Variants in NRXN1 observed in about 807,000 individuals in gnomAD.
NRXN1 encodes neurexin 1.
Under a neutral mutation model 150.9 loss-of-function variants are expected in NRXN1, and 39 were observed. The ratio of observed to expected loss-of-function variants is 0.26; its 90% CI spans 0.20 to 0.34. The LOEUF is 0.34. NRXN1 is among the 10% of genes least tolerant of loss of function. The pLI, the probability that NRXN1 is intolerant of heterozygous loss-of-function variation, is 1.00. For synonymous variants in NRXN1, 924 were observed against 757.0 expected (o/e 1.22, Z -3.62); for missense variants, 1,815 against 1,949.9 (o/e 0.93, Z 1.30).
chr2:50,462,231 G>C (rs993866906), intron 17 of NRXN1, among the ~76,000 whole-genome samples: 1 of 151,852 alleles, frequency 6.6e-6, no homozygotes, highest in African/African-American at 2.4e-5. Context: ...CCTAGTAGAA[G>C]TATAGAGTCT....
chr2:50,611,120 A>G (rs1678047089), intron 8 of NRXN1, among the ~76,000 whole-genome samples: 1 of 128,208 alleles, frequency 7.8e-6, no homozygotes, highest in Non-Finnish European at 1.8e-5. Context: ...AAATGGAGCA[A>G]TTTAAACAAG....
At position 50,497,449 on chromosome 2, in the gene NRXN1, C is replaced by A; in HGVS notation, c.2763G>T (p.Leu921Phe). 1 of 1,613,686 alleles carries A rather than the reference C, an allele frequency of 6.2e-7. No homozygotes were observed. Among genetic ancestry groups the A allele is most frequent in the Non-Finnish European group, 8.5e-7 (1 of 1,179,734 alleles). The change falls in exon 14 of 23, where the codon TTG becomes TTT. Residue 921 changes from leucine to phenylalanine, a missense_variant. This residue lies in a region of NRXN1 where 339 missense variants were observed against 440.3 expected (regional missense o/e 0.77). Transcript: ENST00000401669. ...TKSSYVALATLQAYTSMHLFF... is the reference protein window; with the variant it reads ...TKSSYVALATFQAYTSMHLFF... ...AAAGATGCATAGAAGTGTAGGCTTG[C>A]AAGGTAGCTAAGGCAACATAGCTCG...
rs1553698269 is a variant in NRXN1 at position 50,495,933 on chromosome 2, G to GGTGATTTGCGTT, written c.3030_3041dup (p.Thr1011_Thr1014dup). The GGTGATTTGCGTT allele has an allele frequency of 6.2e-7, 1 of 1,608,642 alleles. No individual in the cohort carries two copies. The highest frequency in any genetic ancestry group is 1.7e-5 in the Admixed American group (1 of 59,402). On this transcript the variant is annotated inframe_insertion, in exon 15 of 23. Transcript: ENST00000401669. Reference sequence around the variant, plus strand: ...TGAGGTCTAAGTTCCTGGCTCCGGCGGTGATTTGCGTTGTGATTTTTGTGT... The same window carrying GGTGATTTGCGTT: ...TGAGGTCTAAGTTCCTGGCTCCGGCGGTGATTTGCGTTGTGATTTGCGTTGTGATTTTTGTGT...
At chr2:50,007,866 C>T (rs1267873600) in intron 21 of NRXN1, among the ~76,000 whole-genome samples, 1 of 152,064 alleles carries the variant, frequency 6.6e-6, no homozygotes, top group Non-Finnish European at 1.5e-5. Context: ...AAAAGTGTTC[C>T]TATTTCTCCA....
intron 5 of NRXN1, among the ~76,000 whole-genome samples, chr2:50,888,596 C>A (rs1680610325): frequency 6.6e-6 from 1 of 151,590 alleles, no homozygotes; most frequent in Admixed American, 6.6e-5. Context: ...TCATTCCTCT[C>A]TGCAGAAAAT....
intron 18 of NRXN1, among the ~76,000 whole-genome samples, chr2:50,219,927 T>TTATATATATTATATATTATATATATAA (rs1559114937): frequency 1.1e-3 from 81 of 72,440 alleles, no homozygotes; most frequent in Non-Finnish European, 1.7e-3. Flanking sequence ...TCTCTCTATA[T>TTATATATATTATATATTATATATATAA]TATATATATT....
chr2:50,049,358 C>A (rs1408714066), intron 21 of NRXN1, among the ~76,000 whole-genome samples: 1 of 152,072 alleles, frequency 6.6e-6, no homozygotes, highest in Admixed American at 6.6e-5. Context: ...GAGCTGAGTA[C>A]AACTTAAGAG....
chr2:50,828,435 G>A (rs1269345744), intron 5 of NRXN1, among the ~76,000 whole-genome samples: 194 of 151,726 alleles, frequency 1.3e-3, no homozygotes, highest in African/African-American at 3.9e-3. Context: ...TCTCAGACGG[G>A]GCGGCTGCCG....
At chr2:50,656,525 A>G in intron 5 of NRXN1, 1 of 597,180 alleles carries the variant, frequency 1.7e-6, no homozygotes, top group East Asian at 2.8e-5. Flanking sequence ...AAGTTAATTT[A>G]TCCCCTAAAT....
intron 15 of NRXN1, among the ~76,000 whole-genome samples, chr2:50,485,574 G>A (rs973296164): frequency 2.6e-5 from 4 of 152,190 alleles, no homozygotes; most frequent in African/African-American, 9.7e-5. Flanking sequence ...AGAGCATTGG[G>A]AATGGGGTAC....
chr2:50,994,125 C>G (rs185119345), intron 2 of NRXN1, among the ~76,000 whole-genome samples: 31 of 152,040 alleles, frequency 2.0e-4, no homozygotes, highest in African/African-American at 6.5e-4. Flanking sequence ...TGTCTCTATT[C>G]ACAGATGAGA....
chr2:50,121,847 T>C (rs755497604), intron 18 of NRXN1, among the ~76,000 whole-genome samples: 1 of 152,200 alleles, frequency 6.6e-6, no homozygotes, highest in Non-Finnish European at 1.5e-5. Flanking sequence ...AAAATAGAAC[T>C]TTCCTCAAGA....
At chr2:49,924,622 T>C (rs1440131109) in intron 22 of NRXN1, among the ~76,000 whole-genome samples, 11 of 152,248 alleles carry the variant, frequency 7.2e-5, no homozygotes, top group South Asian at 2.1e-4. Flanking sequence ...AAACATCTCC[T>C]GTTTAAGGAA....
intron 5 of NRXN1, among the ~76,000 whole-genome samples, chr2:50,637,341 G>A (rs934417601): frequency 2.0e-5 from 3 of 152,014 alleles, no homozygotes; most frequent in African/African-American, 7.3e-5. Flanking sequence ...TCTGGTTTGA[G>A]TACTGTTTTC....
chr2:50,112,679 G>A (rs1420987739), intron 18 of NRXN1, among the ~76,000 whole-genome samples: 3 of 152,122 alleles, frequency 2.0e-5, no homozygotes, highest in Admixed American at 6.5e-5. Context: ...AGTCAAATGT[G>A]TCTGGGGGTG....
chr2:50,309,825 G>A (rs2075020281), intron 17 of NRXN1, among the ~76,000 whole-genome samples: 1 of 152,014 alleles, frequency 6.6e-6, no homozygotes, highest in Non-Finnish European at 1.5e-5. Context: ...GAGATGTCCT[G>A]AGAGCCTAGC....
intron 5 of NRXN1, among the ~76,000 whole-genome samples, chr2:50,759,199 T>C (rs1272947068): frequency 6.6e-6 from 1 of 151,980 alleles, no homozygotes. Flanking sequence ...CCAATGTATA[T>C]TTCAAGGTAA....
chr2:51,001,234 TGGG>T (rs749646036), intron 2 of NRXN1, among the ~76,000 whole-genome samples: 1 of 13,490 alleles, frequency 7.4e-5, no homozygotes, highest in African/African-American at 1.6e-4. Flanking sequence ...TTCATGGGGT[TGGG>T]GGGGGGGGGC....
At chr2:49,968,296 A>G (rs1677311078) in intron 21 of NRXN1, among the ~76,000 whole-genome samples, 1 of 152,140 alleles carries the variant, frequency 6.6e-6, no homozygotes, top group African/African-American at 2.4e-5. Flanking sequence ...TTTTCTGAAG[A>G]AAAACACTTA....
Sources: gnomAD v4.1 joint callset for allele counts (sites outside exome capture counted in the v4.1 genomes callset) on GRCh38, gnomAD v4.1.1 for gene constraint, gnomAD v4.1.1 regional missense constraint, MANE v1.5 for transcripts, NCBI Gene and HGNC (gene_info 2026-07-23, HGNC 2026-07-21) for gene names.